The following ADGRL2 variants were observed in gnomAD, a reference collection of about 807,000 sequenced individuals.
ADGRL2 encodes the protein adhesion G protein-coupled receptor L2, also known as calcium-independent alpha-latrotoxin receptor 2.
ADGRL2 carries 44 observed loss-of-function variants against 157.4 expected under a neutral mutation model. The ratio of observed to expected loss-of-function variants is 0.28; its 90% CI spans 0.22 to 0.36. ADGRL2 has a LOEUF of 0.36. Ranked by LOEUF, ADGRL2 falls within the 10% of genes least tolerant of loss-of-function variation. The pLI, the probability that ADGRL2 is intolerant of heterozygous loss-of-function variation, is 1.00. For missense variants in ADGRL2, 1,510 were observed against 1,768.9 expected (o/e 0.85, Z 2.63); for synonymous variants, 585 against 624.7 (o/e 0.94, Z 0.95).
At chr1:81,456,353 G>C (rs1273521129) in intron 2 of ADGRL2, among the ~76,000 whole-genome samples, 7 of 151,334 alleles carry the variant, frequency 4.6e-5, no homozygotes, top group African/African-American at 1.7e-4. Context: ...TGAGTAGCTG[G>C]GACTATAAGT....
chr1:81,427,244 G>C, intron 1 of ADGRL2: 1 of 760,968 alleles, frequency 1.3e-6, no homozygotes, highest in South Asian at 1.4e-5. Context: ...TGGAGGTGGT[G>C]GCAGCGGAAA....
chr1:81,764,890 A>G (rs975261229), intron 2 of ADGRL2, among the ~76,000 whole-genome samples: 12 of 152,242 alleles, frequency 7.9e-5, no homozygotes, highest in Admixed American at 7.2e-4. Context: ...GAGTCATTAG[A>G]ATGAAAAAGA....
chr1:81,971,406 A>G (rs1379576838), intron 16 of ADGRL2, among the ~76,000 whole-genome samples: 10 of 152,204 alleles, frequency 6.6e-5, no homozygotes, highest in Admixed American at 6.5e-4. Context: ...AACAAACATA[A>G]CATCTGAACA....
At position 81,993,782 on chromosome 1, in the gene ADGRL2, ATG is replaced by A. The variant is rs1664985764; in HGVS notation, c.*2639_*2640del. On this transcript the variant is annotated 3_prime_UTR_variant, in exon 24 of 24. Coordinates refer to ENST00000686636, the MANE Select transcript of ADGRL2 (RefSeq NM_001366006.2). ...TTGGGTCTGCCTAGACTTCACCTGAATGTACAGTTTTCACATTCTTGATTGTT... is the reference window on the plus strand; with the variant it reads ...TTGGGTCTGCCTAGACTTCACCTGAATACAGTTTTCACATTCTTGATTGTT... 6.6e-6 allele frequency among the ~76,000 whole-genome samples: 1 copy of A among 152,158 alleles called. No individual in the cohort carries two copies. Among genetic ancestry groups the A allele is most frequent in the Non-Finnish European group, 1.5e-5 (1 of 68,038 alleles).
chr1:81,913,056 AT>A (rs1373125594), intron 3 of ADGRL2, among the ~76,000 whole-genome samples: 5 of 152,200 alleles, frequency 3.3e-5, no homozygotes, highest in African/African-American at 1.2e-4. Context: ...AACAAAGCTG[AT>A]TTCAAAGCTC....
chr1:81,979,240 C>T (rs575008963), intron 17 of ADGRL2, among the ~76,000 whole-genome samples: 23 of 151,844 alleles, frequency 1.5e-4, no homozygotes, highest in Admixed American at 1.4e-3. Flanking sequence ...CTCAAAACAG[C>T]ATTTTGTCAG....
intron 2 of ADGRL2, among the ~76,000 whole-genome samples, chr1:81,875,018 G>T (rs1255760046): frequency 1.3e-5 from 2 of 152,012 alleles, no homozygotes; most frequent in Non-Finnish European, 2.9e-5. Context: ...TCTTTTTTAA[G>T]TTTTAATTTG....
chr1:81,878,706 C>T (rs536583959), intron 2 of ADGRL2, among the ~76,000 whole-genome samples: 1 of 152,202 alleles, frequency 6.6e-6, no homozygotes, highest in East Asian at 1.9e-4. Context: ...TTCTTTTCAA[C>T]TATTTTGTAA....
intron 3 of ADGRL2, among the ~76,000 whole-genome samples, chr1:81,680,677 G>T (rs2083093973): frequency 6.6e-6 from 1 of 151,948 alleles, no homozygotes; most frequent in Non-Finnish European, 1.5e-5. Context: ...TGCCGCTCGA[G>T]ATCCAATTCA....
At chr1:81,393,836 T>C (rs1376746504) in intron 1 of ADGRL2, among the ~76,000 whole-genome samples, 3 of 147,960 alleles carry the variant, frequency 2.0e-5, no homozygotes, top group Admixed American at 6.7e-5. Context: ...TTTTTTTTGC[T>C]TTTTTTTGCT....
intron 1 of ADGRL2, among the ~76,000 whole-genome samples, chr1:81,394,659 G>A (rs548554191): frequency 6.6e-6 from 1 of 152,094 alleles, no homozygotes; most frequent in Non-Finnish European, 1.5e-5. Flanking sequence ...TGTGAATAGT[G>A]CTGCCACAAA....
intron 2 of ADGRL2, among the ~76,000 whole-genome samples, chr1:81,529,493 T>A (rs1041759415): frequency 4.6e-5 from 7 of 152,226 alleles, no homozygotes; most frequent in African/African-American, 1.7e-4. Context: ...ATATATTGGG[T>A]GCAATTAGGT....
At chr1:81,952,202 C>T in intron 9 of ADGRL2, 60 bp downstream of exon 9, 1 of 1,394,534 alleles carries the variant, frequency 7.2e-7, no homozygotes, top group Non-Finnish European at 9.7e-7. Flanking sequence ...TCTTTCTTGT[C>T]TTATAGCAGT....
In ADGRL2 at chr1:81,497,810, AT is replaced by A. The variant is rs527696887; in HGVS notation, c.-248+52726del. 4.5e-3 allele frequency among the ~76,000 whole-genome samples: 693 copies of A among 152,342 alleles called. 7 individuals are homozygous for A. Among genetic ancestry groups the A allele is most frequent in the Admixed American group, 0.019 (292 of 15,304 alleles). ...GTTGTTAGCCATTATTAACTGGTCT[AT>A]TTTTGTTTGATCTAAAGCCAAAAGT... On this transcript the variant is annotated intron_variant, in intron 2 of 24. Transcript: ENST00000370721.
rs2083981926 is a variant in ADGRL2 at position 81,712,881 on chromosome 1, G to A, written c.-143+13073G>A. On this transcript the variant is annotated intron_variant, in intron 1 of 20. Transcript: ENST00000359929. ...GGGTTCAAGTGATTCTCCTGCCTCA[G>A]CCTCCTGTGTAGCTGGACTGCAGGC... Among the ~76,000 whole-genome samples, 14 of 148,646 alleles carry A rather than the reference G, an allele frequency of 9.4e-5. No individual in the cohort carries two copies. In the Admixed American group the frequency reaches 9.6e-4, roughly 10 times the overall value.
chr1:81,610,941 G>C (rs898845491), intron 3 of ADGRL2, among the ~76,000 whole-genome samples: 3 of 152,150 alleles, frequency 2.0e-5, no homozygotes, highest in Non-Finnish European at 4.4e-5. Flanking sequence ...GGTGTGAATA[G>C]GGTATTAATA....
chr1:81,568,950 T>C (rs978263026), intron 2 of ADGRL2, among the ~76,000 whole-genome samples: 3 of 152,180 alleles, frequency 2.0e-5, no homozygotes, highest in Non-Finnish European at 2.9e-5. Context: ...CAATAGCTTC[T>C]CAATTACTTG....
At chr1:81,776,080 A>G (rs1044757529) in intron 2 of ADGRL2, among the ~76,000 whole-genome samples, 5 of 152,166 alleles carry the variant, frequency 3.3e-5, no homozygotes, top group Admixed American at 6.6e-5. Flanking sequence ...GGTTAGCATC[A>G]TCAGGAATGG....
intron 2 of ADGRL2, among the ~76,000 whole-genome samples, chr1:81,476,175 GAAAAAGAA>G (rs2078268323): frequency 6.6e-6 from 1 of 150,618 alleles, no homozygotes; most frequent in Admixed American, 6.6e-5. Context: ...GAGAGAGAAA[GAAAAAGAA>G]AAAAAGGAAA....
Sources: allele counts gnomAD v4.1 joint callset (sites outside exome capture counted in the v4.1 genomes callset), GRCh38; gene constraint gnomAD v4.1.1; transcripts MANE v1.5; gene names NCBI Gene and HGNC (gene_info 2026-07-23, HGNC 2026-07-21).